Variants in WDR62 observed in about 807,000 individuals in gnomAD.
The protein encoded by WDR62 is WD repeat-containing protein 62.
Under a neutral mutation model 160.6 loss-of-function variants are expected in WDR62, and 112 were observed. The observed-to-expected ratio is 0.70, with a 90% CI of 0.60 to 0.82. WDR62 has a LOEUF of 0.82. Among genes scored for constraint, WDR62 ranks in the 40% least tolerant of loss-of-function variants. The probability of loss-of-function intolerance (pLI) is 0.00; values close to 1 mark genes in which losing one functional copy is unlikely to be tolerated. For missense variants in WDR62, 1,819 were observed against 1,983.8 expected (o/e 0.92, Z 1.58); for synonymous variants, 792 against 815.1 (o/e 0.97, Z 0.48).
chr19:36,101,816 C>T, intron 25 of WDR62, 42 bp downstream of exon 25: 1 of 1,530,088 alleles, frequency 6.5e-7, no homozygotes, highest in Non-Finnish European at 8.9e-7. Context: ...CTGCTCGGGC[C>T]TGGCTTAGGG....
At chr19:36,100,597 G>A in intron 22 of WDR62, 151 bp from the exon 23 acceptor site, 2 of 1,170,042 alleles carry the variant, frequency 1.7e-6, no homozygotes, top group African/African-American at 1.5e-5. Context: ...TAATGCAGGG[G>A]CAGACCAGGA....
At position 36,060,001 on chromosome 19, in the gene WDR62, C is replaced by A. The variant is rs139371621; in HGVS notation, c.303C>A (p.Asn101Lys). ...CVVVILDPKENKQQHIFNTAR... is the reference protein window; with the variant it reads ...CVVVILDPKEKKQQHIFNTAR... ...TGGTGATTTTGGACCCCAAGGAGAA[C>A]AAGCAGCAGCACATCTTTAACACCG... The change falls in exon 3 of 32, where the codon AAC becomes AAA. Residue 101 changes from asparagine (N) to lysine (K), a missense_variant. By Grantham distance (94) the Asn-to-Lys change is moderately conservative. Coordinates refer to ENST00000401500, the MANE Select transcript of WDR62 (RefSeq NM_001083961.2). 244 of 1,614,190 alleles carry A rather than the reference C, an allele frequency of 1.5e-4. No individual in the cohort carries two copies. The African/African-American group carries it at 2.6e-3, about 17-fold the overall frequency.
chr19:36,095,662 C>T (rs768529863), intron 20 of WDR62, among the ~76,000 whole-genome samples: 2 of 152,224 alleles, frequency 1.3e-5, no homozygotes, highest in East Asian at 1.9e-4. Flanking sequence ...GGCGTGATGG[C>T]GTGCGCCTGT....
At chr19:36,072,260 G>T (rs1971340365) in intron 8 of WDR62, among the ~76,000 whole-genome samples, 1 of 152,210 alleles carries the variant, frequency 6.6e-6, no homozygotes, top group African/African-American at 2.4e-5. Flanking sequence ...CTGGTGAGAA[G>T]GAGCTGCTGT....
At chr19:36,056,808 TTTTC>T (rs1970397115) in intron 1 of WDR62, among the ~76,000 whole-genome samples, 1 of 151,614 alleles carries the variant, frequency 6.6e-6, no homozygotes, top group Non-Finnish European at 1.5e-5. Flanking sequence ...TCGCTTTTTC[TTTTC>T]TTTTTTTTTT....
At chr19:36,087,924 G>C (rs1972349218) in intron 13 of WDR62, among the ~76,000 whole-genome samples, 2 of 152,234 alleles carry the variant, frequency 1.3e-5, no homozygotes, top group Admixed American at 1.3e-4. Context: ...AGCAGAGACT[G>C]TTCTAATTGC....
In WDR62 at chr19:36,091,206, G is replaced by T. The variant is rs1972582423; in HGVS notation, c.2041G>T (p.Val681Leu). 1 of 1,612,438 alleles carries T rather than the reference G, an allele frequency of 6.2e-7. No homozygotes were observed. The highest frequency in any genetic ancestry group is 8.5e-7 in the Non-Finnish European group (1 of 1,179,944). The change falls in exon 17 of 32, where the codon GTG becomes TTG. Residue 681 changes from valine to leucine, a missense_variant. Val to Leu is a conservative substitution (Grantham distance 32). Coordinates refer to ENST00000401500, the MANE Select transcript of WDR62 (RefSeq NM_001083961.2). ...TGGGTCCCTTTCCTGGCAGGTCCAT[G>T]TGGACCCCTCAGGCACCTTCCTGGC... ...GDEGSLLKVHVDPSGTFLATS... is the reference protein window; with the variant it reads ...GDEGSLLKVHLDPSGTFLATS...
In WDR62 at chr19:36,055,432, CTA is replaced by C. The variant is rs10547357; in HGVS notation, c.177+288_177+289del. On this transcript the variant is annotated intron_variant, in intron 1 of 31. Coordinates refer to ENST00000401500, the MANE Select transcript of WDR62 (RefSeq NM_001083961.2). ...TTCTGTAAATCACAGCCTAGTCCTG[CTA>C]TATTTTAACCCCCGTTCTATCGCCT... 1.9e-3 allele frequency among the ~76,000 whole-genome samples: 291 copies of C among 152,296 alleles called. 1 individual carries two copies. Among genetic ancestry groups the C allele is most frequent in the African/African-American group, 6.6e-3 (275 of 41,562 alleles).
chr19:36,093,212 G>A (rs561255008), intron 19 of WDR62, among the ~76,000 whole-genome samples: 2 of 152,306 alleles, frequency 1.3e-5, no homozygotes, highest in African/African-American at 2.4e-5. Context: ...TGCCCCAAGC[G>A]GCTGTGGGAA....
intron 10 of WDR62, 180 bp downstream of exon 10, chr19:36,081,750 CCT>C: frequency 1.3e-6 from 1 of 792,474 alleles, no homozygotes; most frequent in Non-Finnish European, 2.1e-6. Flanking sequence ...TCTCCTGCCC[CCT>C]CTCTGAGGTG....
chr19:36,055,254 C>A, intron 1 of WDR62, 106 bp downstream of exon 1: 1 of 1,300,256 alleles, frequency 7.7e-7, no homozygotes, highest in Non-Finnish European at 1.1e-6. Flanking sequence ...CCAGTCCCCT[C>A]AGGTTGTTCC....
At chr19:36,098,648 T>C (rs1338725019) in intron 21 of WDR62, among the ~76,000 whole-genome samples, 1 of 151,622 alleles carries the variant, frequency 6.6e-6, no homozygotes, top group Non-Finnish European at 1.5e-5. Context: ...GGTTGGGGCA[T>C]GAGTAACTGG....
In WDR62 at chr19:36,085,414, C is replaced by CTTTTTTTTTT. The variant is rs35753706; in HGVS notation, c.1642+684_1642+693dup. Among the ~76,000 whole-genome samples, 289 of 70,356 alleles carry CTTTTTTTTTT rather than the reference C, an allele frequency of 4.1e-3. 40 individuals carry two copies. The highest frequency in any genetic ancestry group is 0.022 in the Admixed American group (98 of 4,490). The allele number at this position is 70,356 out of a possible 152,430, so 46.2% of individuals were successfully genotyped here. ...TAGGGCATGAGCCACCACACCTGAC[C>CTTTTTTTTTT]TTTTTTTTTTTTTTTTTTTTTTTGA... On this transcript the variant is annotated intron_variant, in intron 12 of 31. Coordinates refer to ENST00000401500, the MANE Select transcript of WDR62 (RefSeq NM_001083961.2).
chr19:36,092,887 G>A, intron 19 of WDR62, 76 bp downstream of exon 19: 2 of 1,610,052 alleles, frequency 1.2e-6, no homozygotes, highest in Non-Finnish European at 1.7e-6. Context: ...TGGGGACACA[G>A]TGGTGGCCAA....
rs774044560 is a variant in WDR62, at chr19:36,071,694, G to A, written c.1021G>A (p.Val341Met). 2 of 1,614,036 alleles carry A rather than the reference G, an allele frequency of 1.2e-6. No individual in the cohort carries two copies. Residue 341 changes from valine to methionine, a missense_variant, in exon 8 of 32, where the codon GTG becomes ATG. Around this residue, in one of 3 missense-constraint regions of WDR62, gnomAD observed 934 missense variants for 1,157.2 expected, o/e 0.81. Transcript: ENST00000401500. Reference sequence around the variant, plus strand: ...CAAGCCACACTACCTTGGGGTAGACGTGGCACAGGGCCTGGAGCCCAGGTA... The same window carrying A: ...CAAGCCACACTACCTTGGGGTAGACATGGCACAGGGCCTGGAGCCCAGGTA... ...LPKPHYLGVD[V>M]AQGLEPSFLF...
chr19:36,101,718 C>T lies in WDR62; in HGVS notation c.3026C>T (p.Pro1009Leu). 3.2e-6 allele frequency: 5 copies of T among 1,551,558 alleles called. 1 individual carries two copies. ...LECSFAAIHS[P>L]APPPDPAPRF... ...TGCAGCTTCGCAGCCATCCACTCCC[C>T]AGCTCCGCCTCCTGACCCTGCCCCT... Residue 1009 changes from proline to leucine, a missense_variant, in exon 25 of 32, where the codon CCA (proline) becomes CTA (leucine). Physicochemically the swap from Pro to Leu is moderately conservative, Grantham distance 98. This residue lies in a region of WDR62 where 770 missense variants were observed against 734.2 expected (regional missense o/e 1.05). Transcript: ENST00000401500.
chr19:36,087,478 T>C (rs1352415542), intron 13 of WDR62, among the ~76,000 whole-genome samples: 1 of 144,826 alleles, frequency 6.9e-6, no homozygotes, highest in Non-Finnish European at 1.5e-5. Context: ...GTGACTCCAC[T>C]CCAGCTTGGG....
downstream of WDR62, among the ~76,000 whole-genome samples, chr19:36,108,362 C>T (rs142588042): frequency 2.6e-4 from 40 of 151,952 alleles, no homozygotes; most frequent in Non-Finnish European, 5.2e-4. Context: ...GCAACTCCCC[C>T]CCTGCTTCTA....
chr19:36,092,064 A>G (rs1972648830), intron 18 of WDR62, among the ~76,000 whole-genome samples: 1 of 152,058 alleles, frequency 6.6e-6, no homozygotes, highest in South Asian at 2.1e-4. Context: ...TGATCCCAGC[A>G]CTTTGGGAGG....
Sources: allele counts gnomAD v4.1 joint callset (sites outside exome capture counted in the v4.1 genomes callset), GRCh38; gene constraint gnomAD v4.1.1; regional missense constraint gnomAD v4.1.1; transcripts MANE v1.5; gene names NCBI Gene and HGNC (gene_info 2026-07-23, HGNC 2026-07-21).